Variants in LDLRAD4 observed in about 807,000 individuals in gnomAD.
LDLRAD4 encodes low density lipoprotein receptor class A domain containing 4, also known as low-density lipoprotein receptor class A domain-containing protein 4.
Under a neutral mutation model 17.0 loss-of-function variants are expected in LDLRAD4, and 5 were observed. That is an observed-to-expected ratio of 0.29 (90% confidence interval 0.15 to 0.62). The LOEUF is 0.62. Ranked by LOEUF, LDLRAD4 falls within the 20% of genes least tolerant of loss-of-function variation. LDLRAD4 has a pLI of 0.84. For missense variants in LDLRAD4, 340 were observed against 424.7 expected (o/e 0.80, Z 1.75); for synonymous variants, 168 against 171.8 (o/e 0.98, Z 0.17).
At chr18:13,632,820 A>G (rs2041786631) in intron 4 of LDLRAD4, among the ~76,000 whole-genome samples, 2 of 152,252 alleles carry the variant, frequency 1.3e-5, no homozygotes, top group African/African-American at 2.4e-5. Flanking sequence ...GCAACAGAAC[A>G]GCTCTCAGGA....
At chr18:13,248,494 T>C (rs950326104) in intron 1 of LDLRAD4, among the ~76,000 whole-genome samples, 1 of 152,228 alleles carries the variant, frequency 6.6e-6, no homozygotes, top group African/African-American at 2.4e-5. Flanking sequence ...GATGTAGCAA[T>C]TGTGGAATGA....
intron 2 of LDLRAD4, among the ~76,000 whole-genome samples, chr18:13,412,134 C>T (rs779797216): frequency 1.4e-4 from 22 of 152,238 alleles, no homozygotes; most frequent in Non-Finnish European, 2.1e-4. Flanking sequence ...TGAGCCATCA[C>T]GCCTGGCCTG....
intron 1 of LDLRAD4, among the ~76,000 whole-genome samples, chr18:13,245,121 G>A (rs2042891501): frequency 6.6e-6 from 1 of 152,182 alleles, no homozygotes; most frequent in African/African-American, 2.4e-5. Context: ...AGCGTCATGA[G>A]GGAAAATGTG....
chr18:13,394,805 G>A (rs1185549183), intron 2 of LDLRAD4, among the ~76,000 whole-genome samples: 1 of 152,220 alleles, frequency 6.6e-6, no homozygotes, highest in East Asian at 1.9e-4. Flanking sequence ...TTGGAAAATG[G>A]GGGCTTTTGT....
chr18:13,248,503 G>C (rs1296831120), intron 1 of LDLRAD4, among the ~76,000 whole-genome samples: 4 of 152,228 alleles, frequency 2.6e-5, no homozygotes, highest in African/African-American at 7.2e-5. Flanking sequence ...ATTGTGGAAT[G>C]AACCACTGGC....
intron 1 of LDLRAD4, among the ~76,000 whole-genome samples, chr18:13,321,042 T>C (rs189659358): frequency 5.9e-5 from 9 of 152,218 alleles, no homozygotes; most frequent in Middle Eastern, 3.4e-3. Context: ...TAGTTGGAGA[T>C]ACTTGGTTTT....
In LDLRAD4 at chr18:13,621,015, G is replaced by A; in HGVS notation, c.182-102G>A. On this transcript the variant is annotated intron_variant, in intron 3 of 5. Transcript: ENST00000359446. This position sits in a 1 kb window ranked among gnomAD's most constrained non-coding sequence, Gnocchi z 5.5. The stretch of plus-strand genomic sequence containing the variant: ...TGGCCTCTGAGGAACAGACGTGTGT[G>A]AGAGGCCTTCAGGGCCTGATGGCTG... 6.6e-7 allele frequency: 1 copy of A among 1,512,212 alleles called. No individual in the cohort carries two copies. The highest frequency in any genetic ancestry group is 1.2e-5 in the South Asian group (1 of 85,442). The allele number at this position is 1,512,212 out of a possible 1,614,324, so 93.7% of individuals were successfully genotyped here.
At chr18:13,412,957 T>A (rs1379287021) in intron 2 of LDLRAD4, among the ~76,000 whole-genome samples, 1 of 152,230 alleles carries the variant, frequency 6.6e-6, no homozygotes, top group Non-Finnish European at 1.5e-5. Context: ...ATGCGCTGCT[T>A]CCTTCTCCTG....
chr18:13,566,862 A>G (rs2094609774), intron 3 of LDLRAD4, among the ~76,000 whole-genome samples: 1 of 152,248 alleles, frequency 6.6e-6, no homozygotes, highest in Non-Finnish European at 1.5e-5. Flanking sequence ...TGGAAAGTGG[A>G]AAATCATTTA....
At chr18:13,351,679 G>C (rs1045818850) in intron 1 of LDLRAD4, among the ~76,000 whole-genome samples, 3 of 152,176 alleles carry the variant, frequency 2.0e-5, no homozygotes, top group East Asian at 1.9e-4. Flanking sequence ...AATTCTACCA[G>C]AGATACAGAG....
intron 3 of LDLRAD4, among the ~76,000 whole-genome samples, chr18:13,477,617 A>G (rs1204092803): frequency 6.6e-6 from 1 of 152,208 alleles, no homozygotes; most frequent in Non-Finnish European, 1.5e-5. Context: ...TGGAAAGGCA[A>G]TTAGAGGTGT....
At chr18:13,586,907 T>G (rs1192694165) in intron 3 of LDLRAD4, among the ~76,000 whole-genome samples, 2 of 150,652 alleles carry the variant, frequency 1.3e-5, no homozygotes, top group African/African-American at 4.9e-5. Context: ...GATCAGTATG[T>G]GTATGCACCC....
At chr18:13,581,896 T>G (rs2094865360) in intron 3 of LDLRAD4, among the ~76,000 whole-genome samples, 1 of 152,202 alleles carries the variant, frequency 6.6e-6, no homozygotes, top group African/African-American at 2.4e-5. Flanking sequence ...TGTGCATGTA[T>G]GTTCATGTGT....
intron 3 of LDLRAD4, among the ~76,000 whole-genome samples, chr18:13,560,855 A>C (rs2094533081): frequency 6.6e-6 from 1 of 152,232 alleles, no homozygotes; most frequent in African/African-American, 2.4e-5. Context: ...CCTGCGGTTG[A>C]AATGACTCTT....
intron 1 of LDLRAD4, among the ~76,000 whole-genome samples, chr18:13,363,883 G>C (rs1448192514): frequency 2.6e-5 from 4 of 152,144 alleles, no homozygotes; most frequent in African/African-American, 9.7e-5. Flanking sequence ...ACCACGCTTG[G>C]CTTTTTCAGT....
chr18:13,461,966 T>C (rs1367282759), intron 3 of LDLRAD4: 1 of 152,158 alleles, frequency 6.6e-6, no homozygotes, highest in African/African-American at 2.4e-5. Context: ...TTGTGTTACT[T>C]GGGCATGGAA....
At chr18:13,348,048 G>A (rs544921915) in intron 1 of LDLRAD4, among the ~76,000 whole-genome samples, 17 of 152,108 alleles carry the variant, frequency 1.1e-4, no homozygotes, top group East Asian at 5.8e-4. Flanking sequence ...TAGTTTGATC[G>A]TCTGAAGCCT....
chr18:13,447,227 A>G (rs762323734), intron 3 of LDLRAD4, among the ~76,000 whole-genome samples: 1 of 150,856 alleles, frequency 6.6e-6, no homozygotes, highest in Non-Finnish European at 1.5e-5. Flanking sequence ...GGAGGGCAAT[A>G]TGCCTCTCTC....
chr18:13,459,978 G>A (rs983402363), intron 3 of LDLRAD4: 4 of 153,782 alleles, frequency 2.6e-5, no homozygotes, highest in African/African-American at 9.6e-5. Flanking sequence ...CTGTCACATG[G>A]TTAATGTTCC....
Sources: allele counts gnomAD v4.1 joint callset (sites outside exome capture counted in the v4.1 genomes callset), GRCh38; gene constraint gnomAD v4.1.1; non-coding constraint Gnocchi (gnomAD v3.1); transcripts MANE v1.5; gene names NCBI Gene and HGNC (gene_info 2026-07-23, HGNC 2026-07-21).